SPAG1: variants seen among roughly 807,000 people sequenced by gnomAD.
SPAG1 encodes sperm-associated antigen 1.
Under a neutral mutation model 100.5 loss-of-function variants are expected in SPAG1, and 69 were observed. The ratio of observed to expected loss-of-function variants is 0.69; its 90% CI spans 0.57 to 0.84. The LOEUF is 0.84. Among genes scored for constraint, SPAG1 ranks in the 40% least tolerant of loss-of-function variants. The probability of loss-of-function intolerance (pLI) is 0.00; values close to 1 mark genes in which losing one functional copy is unlikely to be tolerated. For synonymous variants in SPAG1, 336 were observed against 411.6 expected (o/e 0.82, Z 2.22); for missense variants, 955 against 1,133.1 (o/e 0.84, Z 2.26).
chr8:100,229,337 G>T (rs189032516), intron 14 of SPAG1, among the ~76,000 whole-genome samples: 1 of 152,108 alleles, frequency 6.6e-6, no homozygotes, highest in Non-Finnish European at 1.5e-5. Flanking sequence ...GGAGAATGGC[G>T]TGAACCCGGC....
chr8:100,182,206 T>A (rs1469944824), intron 4 of SPAG1, among the ~76,000 whole-genome samples: 1 of 152,204 alleles, frequency 6.6e-6, no homozygotes, highest in Non-Finnish European at 1.5e-5. Flanking sequence ...GGAGACTGAT[T>A]ATTTGTGAGC....
intron 10 of SPAG1, among the ~76,000 whole-genome samples, chr8:100,206,829 C>T (rs1047720607): frequency 6.6e-6 from 1 of 152,172 alleles, no homozygotes; most frequent in Admixed American, 6.5e-5. Flanking sequence ...ACCTGAAAGG[C>T]GGCTGATTTT....
At chr8:100,173,187 C>A (rs893830282) in intron 3 of SPAG1, among the ~76,000 whole-genome samples, 6 of 151,830 alleles carry the variant, frequency 4.0e-5, no homozygotes, top group African/African-American at 1.4e-4. Context: ...TACAGGCATT[C>A]ACCACCACAC....
chr8:100,190,872 G>T (rs1234852407), intron 8 of SPAG1, among the ~76,000 whole-genome samples: 1 of 151,668 alleles, frequency 6.6e-6, no homozygotes, highest in Non-Finnish European at 1.5e-5. Context: ...ATTTTGCCAT[G>T]TTGGCCAGGC....
chr8:100,217,499 C>A (rs1351831421), intron 12 of SPAG1, among the ~76,000 whole-genome samples: 3 of 151,984 alleles, frequency 2.0e-5, no homozygotes, highest in Admixed American at 2.0e-4. Context: ...GGTCTCTAAG[C>A]CTGGCCTCTC....
At chr8:100,194,082 ATTTTC>A (rs1266497743) in intron 9 of SPAG1, 25 bp from the exon 10 acceptor site, 2 of 1,297,940 alleles carry the variant, frequency 1.5e-6, no homozygotes, top group Non-Finnish European at 2.1e-6. Context: ...AGAGGAAAAT[ATTTTC>A]TTTAATATGG....
chr8:100,208,871 A>C (rs2132336494), intron 10 of SPAG1, among the ~76,000 whole-genome samples: 1 of 152,258 alleles, frequency 6.6e-6, no homozygotes, highest in Middle Eastern at 3.4e-3. Context: ...ATTATGTATA[A>C]TCTCAGGAAA....
At chr8:100,195,993 G>T (rs1462571196) in intron 10 of SPAG1, among the ~76,000 whole-genome samples, 1 of 152,122 alleles carries the variant, frequency 6.6e-6, no homozygotes, top group African/African-American at 2.4e-5. Flanking sequence ...CACCTTTTGA[G>T]TCTAGCTTCC....
intron 14 of SPAG1, among the ~76,000 whole-genome samples, chr8:100,230,521 C>T (rs963867706): frequency 4.6e-5 from 7 of 152,208 alleles, no homozygotes; most frequent in African/African-American, 1.7e-4. Flanking sequence ...GCTTAATTCT[C>T]TCCATCTCTA....
chr8:100,191,403 T>G lies in SPAG1; in HGVS notation c.846T>G (p.Arg282=). Residue 282 remains arginine (R), a synonymous_variant, in exon 9 of 19, where the codon CGT becomes CGG. Transcript: ENST00000388798. ...GTAAATTTTCAGCTCTTCTGCGTCG[T>G]GCTACTACATATAAACATCAAAACA... is the stretch of plus-strand genomic sequence containing the variant. ...EPGNVKALLR[R]ATTYKHQNKL... is the part of the protein sequence containing the mutation. 1 of 1,612,866 alleles carries G rather than the reference T, an allele frequency of 6.2e-7. No individual in the cohort carries two copies. The highest frequency in any genetic ancestry group is 1.1e-5 in the South Asian group (1 of 90,976).
chr8:100,194,549 T>G, intron 10 of SPAG1: 1 of 526,790 alleles, frequency 1.9e-6, no homozygotes, highest in Non-Finnish European at 3.3e-6. Flanking sequence ...CACAGACCAT[T>G]TGCCAGTTAA....
intron 13 of SPAG1, 77 bp downstream of exon 13, chr8:100,220,508 C>T (rs1818221774): frequency 8.4e-7 from 1 of 1,194,606 alleles, no homozygotes; most frequent in Non-Finnish European, 1.2e-6. Flanking sequence ...AAGAACATGT[C>T]AAAATATAGA....
At chr8:100,213,681 C>T in intron 11 of SPAG1, 138 bp from the exon 12 acceptor site, 1 of 600,858 alleles carries the variant, frequency 1.7e-6, no homozygotes. Context: ...TTGCGGGTAG[C>T]AGCTCCGTGG....
At chr8:100,208,140 AG>A (rs1350051547) in intron 10 of SPAG1, among the ~76,000 whole-genome samples, 4 of 152,160 alleles carry the variant, frequency 2.6e-5, no homozygotes, top group Admixed American at 2.6e-4. Context: ...TTAGTTCCAG[AG>A]GGAGGAATGC....
chr8:100,177,762 A>T (rs1816191576), intron 3 of SPAG1, 54 bp from the exon 4 acceptor site: 2 of 1,096,414 alleles, frequency 1.8e-6, no homozygotes, highest in Non-Finnish European at 2.6e-6. Flanking sequence ...GTTCTTTCTT[A>T]TGCTTGGTTA....
chr8:100,179,093 C>CA lies in SPAG1; in HGVS notation c.426+1159dup, dbSNP rs1314746920. ...AAAAAAAAAAAACCACAAAAACAAA[C>CA]AAAAAAACTCTGGGCATGGTGGCTC... On this transcript the variant is annotated intron_variant, in intron 4 of 18. Transcript: ENST00000388798. Among the ~76,000 whole-genome samples, 3 of 139,508 alleles carry CA rather than the reference C, an allele frequency of 2.2e-5. No homozygotes were observed. In the East Asian group the frequency reaches 6.7e-4, roughly 31 times the overall value. 91.5% of individuals were successfully genotyped at this position (139,508 alleles called of 152,430 possible). A position where few individuals can be genotyped will look rare whatever the true frequency, so the allele number is the denominator to read the frequency against.
chr8:100,165,839 G>A lies in SPAG1; in HGVS notation c.166G>A (p.Glu56Lys). The A allele has an allele frequency of 1.9e-6, 3 of 1,613,826 alleles. No individual in the cohort carries two copies. Among genetic ancestry groups the A allele is most frequent in the Non-Finnish European group, 2.5e-6 (3 of 1,179,838 alleles). Reference protein sequence around the residue: ...LRSGEEGYYPELTEFCEKHLQ... With the variant: ...LRSGEEGYYPKLTEFCEKHLQ... ...ATCTGGTGAGGAAGGATATTATCCTGAACTTACAGAATTTTGTGAAAAGCA... is the reference window on the plus strand; with the variant it reads ...ATCTGGTGAGGAAGGATATTATCCTAAACTTACAGAATTTTGTGAAAAGCA... Residue 56 changes from glutamate (E) to lysine (K), a missense_variant, in exon 3 of 19, where the codon GAA becomes AAA. Coordinates refer to ENST00000388798, the MANE Select transcript of SPAG1 (RefSeq NM_003114.5).
chr8:100,216,194 C>T (rs185006108), intron 12 of SPAG1, among the ~76,000 whole-genome samples: 6 of 152,266 alleles, frequency 3.9e-5, no homozygotes, highest in Admixed American at 3.9e-4. Flanking sequence ...CAGACCAGAC[C>T]ATGTGAATTT....
intron 10 of SPAG1, among the ~76,000 whole-genome samples, chr8:100,211,432 G>T (rs2132344638): frequency 6.6e-6 from 1 of 152,264 alleles, no homozygotes; most frequent in South Asian, 2.1e-4. Context: ...AAGGAGAGAG[G>T]ACTGCTTGAG....
Sources: allele counts gnomAD v4.1 joint callset (sites outside exome capture counted in the v4.1 genomes callset), GRCh38; gene constraint gnomAD v4.1.1; transcripts MANE v1.5; gene names NCBI Gene and HGNC (gene_info 2026-07-23, HGNC 2026-07-21).